Variants in TBL1XR1 observed in about 807,000 individuals in gnomAD.
TBL1XR1 encodes the protein TBL1X/Y related 1, also known as F-box-like/WD repeat-containing protein TBL1XR1.
A neutral mutation model predicts 66.9 loss-of-function variants in TBL1XR1; 5 were observed. The observed-to-expected ratio is 0.07, with a 90% CI of 0.04 to 0.16. TBL1XR1 has a LOEUF of 0.16. Among genes scored for constraint, TBL1XR1 ranks in the 10% least tolerant of loss-of-function variants. The pLI is 1.00. For synonymous variants in TBL1XR1, 210 were observed against 206.0 expected, an observed-to-expected ratio of 1.02 and a Z score of -0.17; for missense variants, 238 against 623.2, an observed-to-expected ratio of 0.38 and a Z score of 6.58.
At chr3:177,197,846 G>GCCCGC (rs1463282421), upstream of TBL1XR1, among the ~76,000 whole-genome samples, 1 of 147,390 alleles carries the variant, frequency 6.8e-6, no homozygotes, top group Non-Finnish European at 1.5e-5. Flanking sequence ...GCCCCGGGCC[G>GCCCGC]CCCGCCCCGC....
At chr3:177,034,093 A>G in intron 13 of TBL1XR1, 105 bp downstream of exon 13, 1 of 1,347,560 alleles carries the variant, frequency 7.4e-7, no homozygotes. Flanking sequence ...AAAAAAAAAA[A>G]AAAAAGTTTC....
chr3:177,105,098 C>T (rs903076848), intron 1 of TBL1XR1, among the ~76,000 whole-genome samples: 3 of 152,206 alleles, frequency 2.0e-5, no homozygotes, highest in Non-Finnish European at 4.4e-5. Flanking sequence ...AAAAAGCTTA[C>T]ACTCCAAATT....
At chr3:177,193,831 A>C (rs1333809703) in intron 1 of TBL1XR1, among the ~76,000 whole-genome samples, 1 of 152,244 alleles carries the variant, frequency 6.6e-6, no homozygotes, top group Non-Finnish European at 1.5e-5. Context: ...AGACAGACCC[A>C]GGTTTGAATC....
At chr3:177,025,702 A>AG in intron 15 of TBL1XR1, among the ~76,000 whole-genome samples, 178 bp from the exon 16 acceptor site, 1 of 152,324 alleles carries the variant, frequency 6.6e-6, no homozygotes, top group Non-Finnish European at 1.5e-5. Flanking sequence ...TCATTTAAGC[A>AG]GATCAAGAGA....
chr3:177,073,775 T>G (rs1342472762), intron 2 of TBL1XR1, among the ~76,000 whole-genome samples: 2 of 152,178 alleles, frequency 1.3e-5, no homozygotes, highest in Admixed American at 6.5e-5. Flanking sequence ...TAGCGGAGTG[T>G]GGAAGCTGCA....
chr3:177,111,631 A>C (rs912354123), intron 1 of TBL1XR1, among the ~76,000 whole-genome samples: 4 of 152,024 alleles, frequency 2.6e-5, no homozygotes, highest in African/African-American at 9.7e-5. Context: ...TCCTGGACAT[A>C]TCTTCCAGGG....
intron 2 of TBL1XR1, among the ~76,000 whole-genome samples, chr3:177,071,122 C>T (rs1488085356): frequency 6.8e-6 from 1 of 146,134 alleles, no homozygotes; most frequent in African/African-American, 2.5e-5. Context: ...GCTCCGCCTC[C>T]CAGGTTCACG....
intron 1 of TBL1XR1, among the ~76,000 whole-genome samples, chr3:177,116,830 T>G (rs1726364521): frequency 6.6e-6 from 1 of 152,190 alleles, no homozygotes; most frequent in South Asian, 2.1e-4. Context: ...AAAAAGCACT[T>G]AATAAATGGT....
intron 1 of TBL1XR1, among the ~76,000 whole-genome samples, chr3:177,193,806 A>G (rs974320631): frequency 1.3e-5 from 2 of 152,238 alleles, no homozygotes; most frequent in Non-Finnish European, 2.9e-5. Flanking sequence ...AAAATTCCGC[A>G]GATTCAGTCA....
intron 1 of TBL1XR1, among the ~76,000 whole-genome samples, chr3:177,192,305 C>T (rs1266559370): frequency 6.6e-6 from 1 of 151,624 alleles, no homozygotes; most frequent in East Asian, 2.0e-4. Flanking sequence ...TCGCTTGAAC[C>T]CAGGAGGCGC....
Position 177,034,289 on chromosome 3 carries a change from A to T in TBL1XR1, c.1159T>A (p.Leu387Met). 6.3e-7 allele frequency: 1 copy of T among 1,595,728 alleles called. No homozygotes were observed. The highest frequency in any genetic ancestry group is 8.5e-7 in the Non-Finnish European group (1 of 1,175,176). Residue 387 changes from leucine to methionine, a missense_variant, in exon 13 of 16, where the codon TTG becomes ATG. By Grantham distance (15) the Leu-to-Met change is conservative (BLOSUM62 2). Around this residue, in one of 8 missense-constraint regions of TBL1XR1, gnomAD observed 89 missense variants for 220.2 expected, o/e 0.40. Transcript: ENST00000457928. ...SMKQDNCVHDLQAHNKEIYTI... is the reference protein window; with the variant it reads ...SMKQDNCVHDMQAHNKEIYTI... ...TAAATTTCTTTATTATGTGCTTGCA[A>T]ATCATGGACACAATTGTCTTGTTTC...
chr3:177,055,607 G>A (rs1717707738), intron 3 of TBL1XR1, among the ~76,000 whole-genome samples: 1 of 151,906 alleles, frequency 6.6e-6, no homozygotes, highest in Non-Finnish European at 1.5e-5. Context: ...TCCCTATCAG[G>A]AAGCCCACAA....
At chr3:177,149,433 A>C (rs1244194119) in intron 1 of TBL1XR1, among the ~76,000 whole-genome samples, 2 of 152,338 alleles carry the variant, frequency 1.3e-5, no homozygotes, top group East Asian at 3.9e-4. Flanking sequence ...TATAATGAAG[A>C]ATATATTTTA....
At position 177,025,218 on chromosome 3, in the gene TBL1XR1, TCTC is replaced by T. The variant is rs1712942364; in HGVS notation, c.*277_*279del. The T allele has an allele frequency of 2.6e-6, 1 of 391,010 alleles. No individual in the cohort carries two copies. The highest frequency in any genetic ancestry group is 4.5e-6 in the Non-Finnish European group (1 of 220,342). The allele number at this position is 391,010 out of a possible 1,614,324, so 24.2% of individuals were successfully genotyped here. A position where few individuals can be genotyped will look rare whatever the true frequency, so the allele number is the denominator to read the frequency against. ...TCTGCTTTTATAATGTATATTTTTC[TCTC>T]TTCTGTTTTTCATATCCAAAACTTC... On this transcript the variant is annotated 3_prime_UTR_variant, in exon 16 of 16. Transcript: ENST00000457928.
At chr3:177,122,080 C>T (rs534064743) in intron 1 of TBL1XR1, among the ~76,000 whole-genome samples, 6 of 152,096 alleles carry the variant, frequency 3.9e-5, no homozygotes, top group South Asian at 2.1e-4. Context: ...TAATAAGCAA[C>T]GTTTTATTCT....
At position 177,165,881 on chromosome 3, in the gene TBL1XR1, G is replaced by A. The variant is rs1482406066; in HGVS notation, c.-122+31240C>T. Among the ~76,000 whole-genome samples, 6 of 152,152 alleles carry A rather than the reference G, an allele frequency of 3.9e-5. No individual in the cohort carries two copies. The South Asian group carries it at 1.2e-3, about 32-fold the overall frequency. On this transcript the variant is annotated intron_variant, in intron 1 of 15. Coordinates refer to ENST00000457928, the MANE Select transcript of TBL1XR1 (RefSeq NM_024665.7). ...GGGAGGCTGAGTAAGATGATCACTT[G>A]AGGCCAGGAGTTCAAGACCAGCCTA...
intron 1 of TBL1XR1, among the ~76,000 whole-genome samples, chr3:177,196,777 A>G (rs1736914702): frequency 6.6e-6 from 1 of 151,478 alleles, no homozygotes; most frequent in African/African-American, 2.4e-5. Flanking sequence ...GTGTAAATGC[A>G]CGAAGGGAGG....
In TBL1XR1 at chr3:177,025,419, A is replaced by G. The variant is rs1712966701; in HGVS notation, c.*79T>C. On this transcript the variant is annotated 3_prime_UTR_variant, in exon 16 of 16. Coordinates refer to ENST00000457928, the MANE Select transcript of TBL1XR1 (RefSeq NM_024665.7). ...GACTGGCCATGGTTCAAGTGGGACT[A>G]TAGCAGTACATGGGTCAGGGACAGT... 6.8e-7 allele frequency: 1 copy of G among 1,462,014 alleles called. No individual in the cohort carries two copies. Among genetic ancestry groups the G allele is most frequent in the Non-Finnish European group, 9.5e-7 (1 of 1,047,612 alleles). 90.6% of individuals were successfully genotyped at this position (1,462,014 alleles called of 1,614,324 possible). A position where few individuals can be genotyped will look rare whatever the true frequency, so the allele number is the denominator to read the frequency against.
intron 10 of TBL1XR1, among the ~76,000 whole-genome samples, chr3:177,038,919 G>A (rs966845485): frequency 6.6e-6 from 1 of 152,124 alleles, no homozygotes. Flanking sequence ...ACACAAGAGT[G>A]AGGATAACAC....
Sources: allele counts gnomAD v4.1 joint callset (sites outside exome capture counted in the v4.1 genomes callset), GRCh38; gene constraint gnomAD v4.1.1; regional missense constraint gnomAD v4.1.1; transcripts MANE v1.5; gene names NCBI Gene and HGNC (gene_info 2026-07-23, HGNC 2026-07-21).